The following MYO19 variants were observed in gnomAD, a reference collection of about 807,000 sequenced individuals.
MYO19 encodes the protein unconventional myosin-XIX.
A neutral mutation model predicts 129.2 loss-of-function variants in MYO19; 132 were observed. The ratio of observed to expected loss-of-function variants is 1.02; its 90% CI spans 0.89 to 1.18. The LOEUF (loss-of-function observed/expected upper bound fraction) is 1.18. Among genes scored for constraint, MYO19 ranks in the 50% most tolerant of loss-of-function variants. The probability of loss-of-function intolerance (pLI) is 0.00; values close to 1 mark genes in which losing one functional copy is unlikely to be tolerated. For synonymous variants in MYO19, 531 were observed against 477.2 expected (o/e 1.11, Z -1.47); for missense variants, 1,210 against 1,216.7 (o/e 0.99, Z 0.08).
rs2071905882 is a variant in MYO19, at chr17:36,506,586, G to T, written c.1667C>A (p.Thr556Asn). 6.4e-7 allele frequency: 1 copy of T among 1,551,224 alleles called. No individual in the cohort carries two copies. Among genetic ancestry groups the T allele is most frequent in the African/African-American group, 1.4e-5 (1 of 72,248 alleles). Residue 556 changes from threonine (T) to asparagine (N), a missense_variant, in exon 18 of 26, where the codon ACC becomes AAC. Transcript: ENST00000614623. ...GTCCTGGGATTGCTGCAGGAGCCTG[G>T]TCAGCTCAGGTGGGATAGGGTCCTA... is the stretch of plus-strand genomic sequence containing the variant. ...KNKDPIPPELTRLLQQSQDPL... is the reference protein window; with the variant it reads ...KNKDPIPPELNRLLQQSQDPL...
chr17:36,508,989 G>C (rs763493111), intron 14 of MYO19, 73 bp downstream of exon 14: 24 of 1,342,068 alleles, frequency 1.8e-5, no homozygotes, highest in Non-Finnish European at 2.5e-5. Flanking sequence ...GTGGACCCAG[G>C]GCTCCTGCCT....
intron 8 of MYO19, 35 bp from the exon 9 acceptor site, chr17:36,514,583 C>T (rs766453446): frequency 1.5e-6 from 2 of 1,363,736 alleles, no homozygotes; most frequent in Admixed American, 1.7e-5. Flanking sequence ...CGTTAGTTGC[C>T]CATTCATTCC....
intron 6 of MYO19, among the ~76,000 whole-genome samples, chr17:36,516,649 G>A (rs778554722): frequency 6.6e-6 from 1 of 151,872 alleles, no homozygotes; most frequent in Middle Eastern, 3.2e-3. Flanking sequence ...TTACAGGTGT[G>A]AGCCACCGCA....
At chr17:36,526,109 A>G (rs1263751099) in intron 5 of MYO19, among the ~76,000 whole-genome samples, 1 of 151,898 alleles carries the variant, frequency 6.6e-6, no homozygotes, top group Non-Finnish European at 1.5e-5. Flanking sequence ...CGTCAGAGCC[A>G]CTCCTCTCTA....
At chr17:36,503,909 C>T in intron 20 of MYO19, 41 bp downstream of exon 20, 28 of 1,485,392 alleles carry the variant, frequency 1.9e-5, no homozygotes, top group Non-Finnish European at 2.4e-5. Flanking sequence ...GAGCCCCACT[C>T]TGTACTGGCC....
At chr17:36,516,462 C>T (rs1212317447) in intron 6 of MYO19, among the ~76,000 whole-genome samples, 3 of 152,120 alleles carry the variant, frequency 2.0e-5, no homozygotes, top group Non-Finnish European at 4.4e-5. Context: ...CCTCTGCCTC[C>T]TGAGTTCAAG....
chr17:36,499,070 C>CT lies in MYO19; in HGVS notation c.2463+4dup. 6.2e-7 allele frequency: 1 copy of CT among 1,604,080 alleles called. No homozygotes were observed. Among genetic ancestry groups the CT allele is most frequent in the South Asian group, 1.1e-5 (1 of 89,176 alleles). On this transcript the variant is annotated splice_donor_region_variant and intron_variant, in intron 24 of 25. Coordinates refer to ENST00000614623, the MANE Select transcript of MYO19 (RefSeq NM_001163735.2). Reference sequence around the variant, plus strand: ...GCCCACCCCGACTTCTTGGGTCTTACTTACTCTCCACTTCTGCCATGCACG... The same window carrying CT: ...GCCCACCCCGACTTCTTGGGTCTTACTTTACTCTCCACTTCTGCCATGCACG...
chr17:36,517,693 C>T (rs970175964), intron 6 of MYO19, among the ~76,000 whole-genome samples: 3 of 152,176 alleles, frequency 2.0e-5, no homozygotes, highest in Non-Finnish European at 4.4e-5. Flanking sequence ...TTAAGGTATG[C>T]CACAGACTGA....
chr17:36,509,838 C>T (rs1160800343), intron 13 of MYO19: 2 of 152,312 alleles, frequency 1.3e-5, no homozygotes, highest in Non-Finnish European at 2.9e-5. Context: ...GTTCATCACA[C>T]TTTATCTGCT....
intron 5 of MYO19, among the ~76,000 whole-genome samples, chr17:36,526,120 C>T (rs2073450227): frequency 1.3e-5 from 2 of 152,324 alleles, no homozygotes; most frequent in Admixed American, 1.3e-4. Flanking sequence ...CTCCTCTCTA[C>T]ACCTGCCCTT....
At chr17:36,499,210 A>C in intron 23 of MYO19, 50 bp from the exon 24 acceptor site, 1 of 1,430,322 alleles carries the variant, frequency 7.0e-7, no homozygotes, top group Non-Finnish European at 9.7e-7. Flanking sequence ...GGGCCATTAG[A>C]GCTGTCAGTG....
At chr17:36,532,404 G>A (rs781211847) in intron 3 of MYO19, 123 bp downstream of exon 3, 2 of 1,184,682 alleles carry the variant, frequency 1.7e-6, no homozygotes, top group Non-Finnish European at 2.5e-6. Flanking sequence ...AAAAGGCACT[G>A]GAGAGACAAT....
intron 18 of MYO19, 69 bp downstream of exon 18, chr17:36,506,387 G>C (rs903316766): frequency 5.6e-6 from 9 of 1,597,180 alleles, no homozygotes; most frequent in Non-Finnish European, 7.7e-6. Flanking sequence ...ATCCCGGCAG[G>C]TGCTCAATAA....
At chr17:36,527,306 T>C (rs569459990) in intron 5 of MYO19, among the ~76,000 whole-genome samples, 2 of 152,290 alleles carry the variant, frequency 1.3e-5, no homozygotes, top group South Asian at 4.1e-4. Flanking sequence ...CTCTTATGTC[T>C]CTTATTTTAG....
chr17:36,543,720 G>T (rs1473402555), upstream of MYO19, among the ~76,000 whole-genome samples: 8 of 152,078 alleles, frequency 5.3e-5, no homozygotes, highest in African/African-American at 1.9e-4. Flanking sequence ...CGCCTCCCGG[G>T]TTCAAGTGAT....
chr17:36,513,532 G>C, intron 10 of MYO19, 27 bp from the exon 11 acceptor site: 2 of 1,613,884 alleles, frequency 1.2e-6, no homozygotes. Context: ...GTTCGGGGCA[G>C]AGGTCAGCAG....
chr17:36,522,405 G>C (rs1392936768), intron 6 of MYO19, among the ~76,000 whole-genome samples: 1 of 151,956 alleles, frequency 6.6e-6, no homozygotes, highest in Non-Finnish European at 1.5e-5. Context: ...CTACTCGGGA[G>C]GAGGCTGAGG....
Position 36,507,921 on chromosome 17 carries a change from A to G in MYO19, c.1235T>C (p.Leu412Pro). The stretch of plus-strand genomic sequence containing the variant: ...TGATTCAAATCCATACACATCCAGC[A>G]GGCCTGGGAAGATGGCAGAGAACCC... ...DTDSWTTFIG[L>P]LDVYGFESFP... Residue 412 changes from leucine (L) to proline (P), a missense_variant, in exon 15 of 26, where the codon CTG becomes CCG. Physicochemically the swap from Leu to Pro is moderately conservative, Grantham distance 98. Coordinates refer to ENST00000614623, the MANE Select transcript of MYO19 (RefSeq NM_001163735.2). The G allele has an allele frequency of 6.3e-7, 1 of 1,597,500 alleles. No individual in the cohort carries two copies. Among genetic ancestry groups the G allele is most frequent in the East Asian group, 2.2e-5 (1 of 44,542 alleles).
chr17:36,524,701 A>G (rs1199245488), intron 6 of MYO19, among the ~76,000 whole-genome samples: 1 of 152,226 alleles, frequency 6.6e-6, no homozygotes, highest in Non-Finnish European at 1.5e-5. Flanking sequence ...TTTTCCCACA[A>G]GAACCCCAGC....
Sources: gnomAD v4.1 joint callset for allele counts (sites outside exome capture counted in the v4.1 genomes callset) on GRCh38, gnomAD v4.1.1 for gene constraint, MANE v1.5 for transcripts, NCBI Gene and HGNC (gene_info 2026-07-23, HGNC 2026-07-21) for gene names.